TTC7B: variants seen among roughly 807,000 people sequenced by gnomAD.
TTC7B encodes tetratricopeptide repeat domain 7B, also known as tetratricopeptide repeat protein 7B.
TTC7B carries 28 observed loss-of-function variants against 106.8 expected under a neutral mutation model. That is an observed-to-expected ratio of 0.26 (90% CI 0.19 to 0.36). The LOEUF is 0.36. Ranked by LOEUF, TTC7B falls within the 10% of genes least tolerant of loss-of-function variation. TTC7B has a pLI of 1.00. For missense variants in TTC7B, 862 were observed against 1,076.4 expected (o/e 0.80, Z 2.79); for synonymous variants, 405 against 430.6 (o/e 0.94, Z 0.74).
At chr14:90,716,053 G>A (rs987539737) in intron 5 of TTC7B, among the ~76,000 whole-genome samples, 2 of 152,098 alleles carry the variant, frequency 1.3e-5, no homozygotes, top group Non-Finnish European at 2.9e-5. Context: ...GTTCAGGTCC[G>A]TCACGATAGG....
chr14:90,656,274 G>T (rs1885943403), intron 11 of TTC7B, among the ~76,000 whole-genome samples: 1 of 152,214 alleles, frequency 6.6e-6, no homozygotes, highest in Admixed American at 6.5e-5. Flanking sequence ...TTTGTAAGAT[G>T]CTTCGGTCTT....
At chr14:90,581,792 T>A (rs1434379716) in intron 18 of TTC7B, among the ~76,000 whole-genome samples, 1 of 152,182 alleles carries the variant, frequency 6.6e-6, no homozygotes, top group Non-Finnish European at 1.5e-5. Flanking sequence ...GGGTCCTCCA[T>A]GAGACCAAAT....
chr14:90,713,474 A>C (rs1453285905), intron 5 of TTC7B, among the ~76,000 whole-genome samples: 2 of 152,200 alleles, frequency 1.3e-5, no homozygotes, highest in Non-Finnish European at 2.9e-5. Context: ...GAAAAATGTA[A>C]ATTAATTAAA....
Position 90,742,179 on chromosome 14 carries a change from T to A in TTC7B, c.576+2613A>T, listed in dbSNP as rs758161947. Among the ~76,000 whole-genome samples, 9 of 152,186 alleles carry A rather than the reference T, an allele frequency of 5.9e-5. No individual in the cohort carries two copies. Among genetic ancestry groups the A allele is most frequent in the Admixed American group, 2.0e-4 (3 of 15,270 alleles). On this transcript the variant is annotated intron_variant, in intron 4 of 19. Coordinates refer to ENST00000328459, the MANE Select transcript of TTC7B (RefSeq NM_001010854.2). The surrounding 1 kb of genome is among the most constrained non-coding windows in gnomAD (Gnocchi z 4.1). Reference sequence around the variant, plus strand: ...CCTAAGCCTCCCAAGTAGCTGGGACTACAGGCACTTGCCACCATGCCTAGC... The same window carrying A: ...CCTAAGCCTCCCAAGTAGCTGGGACAACAGGCACTTGCCACCATGCCTAGC...
rs1340791529 is a variant in TTC7B at position 90,732,446 on chromosome 14, T to C, written c.577-2250A>G. Among the ~76,000 whole-genome samples, 5 of 152,312 alleles carry C rather than the reference T, an allele frequency of 3.3e-5. No individual in the cohort carries two copies. In the East Asian group the frequency reaches 9.6e-4, roughly 29 times the overall value. On this transcript the variant is annotated intron_variant, in intron 4 of 19. Coordinates refer to ENST00000328459, the MANE Select transcript of TTC7B (RefSeq NM_001010854.2). ...AAGCTGGAGGGCAGTGGCATGACCA[T>C]GGCTCCCTGCAGCCTCAACCTCGCA...
chr14:90,698,398 C>G (rs1183272392), intron 5 of TTC7B: 1 of 152,138 alleles, frequency 6.6e-6, no homozygotes, highest in Non-Finnish European at 1.5e-5. Flanking sequence ...AATTAAACAT[C>G]TAAGAAGGAA....
intron 1 of TTC7B, among the ~76,000 whole-genome samples, chr14:90,787,374 A>G (rs962884662): frequency 3.4e-4 from 52 of 152,284 alleles, no homozygotes; most frequent in African/African-American, 1.2e-3. Flanking sequence ...AGCATGGTCT[A>G]TTTTTCTGGG....
intron 5 of TTC7B, among the ~76,000 whole-genome samples, chr14:90,718,286 C>T (rs977445070): frequency 2.0e-5 from 3 of 152,224 alleles, no homozygotes; most frequent in South Asian, 2.1e-4. Flanking sequence ...GCACCCTCCT[C>T]GGAAGGAGGC....
intron 7 of TTC7B, among the ~76,000 whole-genome samples, chr14:90,687,357 C>T (rs1887286814): frequency 6.6e-6 from 1 of 152,110 alleles, no homozygotes; most frequent in African/African-American, 2.4e-5. Context: ...TCCTTGTACA[C>T]ATGGGAAAGC....
intron 5 of TTC7B, among the ~76,000 whole-genome samples, chr14:90,704,227 C>A (rs1888115433): frequency 1.3e-5 from 2 of 152,238 alleles, no homozygotes; most frequent in East Asian, 3.8e-4. Context: ...GCCCTTCATT[C>A]CACATACAAA....
At position 90,577,678 on chromosome 14, in the gene TTC7B, A is replaced by G. The variant is rs1484748370; in HGVS notation, c.2310+428T>C. On this transcript the variant is annotated intron_variant, in intron 19 of 19. Transcript: ENST00000328459. The surrounding 1 kb of genome is among the most constrained non-coding windows in gnomAD (Gnocchi z 5.0). ...GTCTCAGGCTCCCTTAAGGCAAGAG[A>G]GTCTCCCAGTTTGTAAAGTGTTCTG... 6.6e-6 allele frequency among the ~76,000 whole-genome samples: 1 copy of G among 152,118 alleles called. No homozygotes were observed. The highest frequency in any genetic ancestry group is 1.5e-5 in the Non-Finnish European group (1 of 68,022).
intron 2 of TTC7B, among the ~76,000 whole-genome samples, 188 bp from the exon 3 acceptor site, chr14:90,781,094 TG>T (rs1194267818): frequency 6.6e-6 from 1 of 152,184 alleles, no homozygotes; most frequent in Non-Finnish European, 1.5e-5. Context: ...CACCAAAATG[TG>T]GGCTAGCCAT....
chr14:90,744,779 G>A lies in TTC7B; in HGVS notation c.576+13C>T. ...AAAAAGTTATCAGGAACAAACACGT[G>A]GTCCTCACTTACCCTTTCTATCTCT... On this transcript the variant is annotated intron_variant, in intron 4 of 19. Coordinates refer to ENST00000328459, the MANE Select transcript of TTC7B (RefSeq NM_001010854.2). The A allele has an allele frequency of 6.2e-7, 1 of 1,608,690 alleles. No individual in the cohort carries two copies.
chr14:90,543,446 C>T (rs574046672), intron 19 of TTC7B, among the ~76,000 whole-genome samples: 1 of 152,188 alleles, frequency 6.6e-6, no homozygotes, highest in Non-Finnish European at 1.5e-5. Context: ...GAATCAGGGG[C>T]CTTCCACTAT....
chr14:90,658,481 G>T, intron 9 of TTC7B, 94 bp from the exon 10 acceptor site: 2 of 1,219,406 alleles, frequency 1.6e-6, no homozygotes, highest in Non-Finnish European at 1.2e-6. Context: ...ACTAAGGTAA[G>T]TCCCATAAAA....
At chr14:90,592,253 A>G (rs1417070563) in intron 18 of TTC7B, among the ~76,000 whole-genome samples, 1 of 152,248 alleles carries the variant, frequency 6.6e-6, no homozygotes, top group Non-Finnish European at 1.5e-5. Context: ...CTTTCACCAC[A>G]CACTGTAAGA....
At chr14:90,553,095 A>T (rs1890155357) in intron 19 of TTC7B, among the ~76,000 whole-genome samples, 1 of 152,108 alleles carries the variant, frequency 6.6e-6, no homozygotes, top group South Asian at 2.1e-4. Context: ...GAGTGTGCCG[A>T]GTATTCCAGG....
At chr14:90,727,710 A>C (rs1454638960) in intron 5 of TTC7B, among the ~76,000 whole-genome samples, 1 of 152,242 alleles carries the variant, frequency 6.6e-6, no homozygotes, top group African/African-American at 2.4e-5. Context: ...ATTTAAGTAT[A>C]TTTCTAAAGA....
intron 18 of TTC7B, among the ~76,000 whole-genome samples, chr14:90,586,594 G>A (rs915822511): frequency 6.6e-6 from 1 of 152,148 alleles, no homozygotes; most frequent in Non-Finnish European, 1.5e-5. Context: ...AAATGTGGAG[G>A]GGCTCAGTCT....
Sources: gnomAD v4.1 joint callset for allele counts (sites outside exome capture counted in the v4.1 genomes callset) on GRCh38, gnomAD v4.1.1 for gene constraint, Gnocchi (gnomAD v3.1) non-coding constraint, MANE v1.5 for transcripts, NCBI Gene and HGNC (gene_info 2026-07-23, HGNC 2026-07-21) for gene names.